The following SHISA5 variants were observed in gnomAD, a reference collection of about 807,000 sequenced individuals.
SHISA5 encodes shisa family member 5, also known as protein shisa-5.
SHISA5 carries 21 observed loss-of-function variants against 27.5 expected under a neutral mutation model. That is an observed-to-expected ratio of 0.76 (90% CI 0.54 to 1.10). The LOEUF (loss-of-function observed/expected upper bound fraction) is 1.10. SHISA5 is among the 50% of genes least tolerant of loss of function. The pLI, the probability that SHISA5 is intolerant of heterozygous loss-of-function variation, is 0.00. For missense variants in SHISA5, 314 were observed against 336.3 expected (o/e 0.93, Z 0.52); for synonymous variants, 137 against 142.2 (o/e 0.96, Z 0.26).
At chr3:48,491,390 T>C (rs1263385048) in intron 2 of SHISA5, among the ~76,000 whole-genome samples, 2 of 152,068 alleles carry the variant, frequency 1.3e-5, no homozygotes, top group Non-Finnish European at 2.9e-5. Flanking sequence ...AGTGCTGGGA[T>C]TACAGGTGTG....
At chr3:48,482,821 G>C (rs192902444) in intron 2 of SHISA5, among the ~76,000 whole-genome samples, 50 of 152,160 alleles carry the variant, frequency 3.3e-4, no homozygotes, top group Non-Finnish European at 5.9e-4. Flanking sequence ...TTTTAGTAGA[G>C]ATGGGGTTTC....
chr3:48,485,748 G>C (rs964621688), intron 2 of SHISA5, among the ~76,000 whole-genome samples: 1 of 151,118 alleles, frequency 6.6e-6, no homozygotes, highest in Non-Finnish European at 1.5e-5. Context: ...GCTGATATGA[G>C]TGGTGGTGAG....
At position 48,468,462 on chromosome 3, in the gene SHISA5, G is replaced by A; in HGVS notation, c.*645C>T. On this transcript the variant is annotated 3_prime_UTR_variant, in exon 6 of 6. Coordinates refer to ENST00000296444, the MANE Select transcript of SHISA5 (RefSeq NM_016479.6). ...CAGGCAGACAGGTACAGCTGAGTAG[G>A]GCTCTGCCTGAGGTGTTCTGGCATC... is the stretch of plus-strand genomic sequence containing the variant. 8.5e-7 allele frequency: 1 copy of A among 1,174,532 alleles called. No individual in the cohort carries two copies. Among genetic ancestry groups the A allele is most frequent in the Non-Finnish European group, 1.1e-6 (1 of 936,680 alleles). The allele number at this position is 1,174,532 out of a possible 1,614,324, so 72.8% of individuals were successfully genotyped here.
chr3:48,476,737 C>T (rs2040838826), intron 3 of SHISA5: 1 of 172,498 alleles, frequency 5.8e-6, no homozygotes, highest in Admixed American at 6.2e-5. Flanking sequence ...TAAAGCAGGT[C>T]CTAGGCATGA....
upstream of SHISA5, chr3:48,504,371 T>G: frequency 6.0e-5 from 18 of 299,954 alleles, no homozygotes; most frequent in East Asian, 1.1e-4. The surrounding 1 kb of genome is among the most constrained non-coding windows in gnomAD (Gnocchi z 4.0). Flanking sequence ...TTGGTACCGG[T>G]TCCCAGACTC....
Position 48,468,912 on chromosome 3 carries a change from G to A in SHISA5, c.*195C>T. 1 of 1,541,138 alleles carries A rather than the reference G, an allele frequency of 6.5e-7. No individual in the cohort carries two copies. Among genetic ancestry groups the A allele is most frequent in the Non-Finnish European group, 8.7e-7 (1 of 1,149,686 alleles). On this transcript the variant is annotated 3_prime_UTR_variant, in exon 6 of 6. Coordinates refer to ENST00000296444, the MANE Select transcript of SHISA5 (RefSeq NM_016479.6). The stretch of plus-strand genomic sequence containing the variant: ...ACAAAGTCTGGTCCCAGCCCACTCT[G>A]GCAAGGATTGTTCCCCACCTTGTCA...
At chr3:48,477,033 C>T (rs759282161) in intron 3 of SHISA5, 14 of 450,832 alleles carry the variant, frequency 3.1e-5, no homozygotes, top group South Asian at 2.2e-4. Context: ...CACTCCTCCT[C>T]CTATGCCCCT....
chr3:48,504,098 T>TGGGCGGGCGGAC lies in SHISA5; in HGVS notation c.-16_-5dup, dbSNP rs1553832399. ...GCGCGGGGACCGGCGCAGTCATGGC[T>TGGGCGGGCGGAC]GGGCGGGCGGACGGGCGGACGGACG... On this transcript the variant is annotated 5_prime_UTR_variant, in exon 1 of 6. Transcript: ENST00000296444. This position sits in a 1 kb window ranked among gnomAD's most constrained non-coding sequence, Gnocchi z 4.0. 13 of 1,306,012 alleles carry TGGGCGGGCGGAC rather than the reference T, an allele frequency of 1.0e-5. No individual in the cohort carries two copies. The highest frequency in any genetic ancestry group is 1.2e-5 in the Non-Finnish European group (12 of 1,014,564). 80.9% of individuals were successfully genotyped at this position (1,306,012 alleles called of 1,614,324 possible). A position where few individuals can be genotyped will look rare whatever the true frequency, so the allele number is the denominator to read the frequency against.
At chr3:48,498,775 A>C (rs2041655998) in intron 2 of SHISA5, among the ~76,000 whole-genome samples, 1 of 151,876 alleles carries the variant, frequency 6.6e-6, no homozygotes, top group Non-Finnish European at 1.5e-5. Context: ...TCGAAACAAT[A>C]CAGGAAGTAA....
chr3:48,503,837 A>T lies in SHISA5; in HGVS notation c.76+182T>A, dbSNP rs2041823468. On this transcript the variant is annotated intron_variant, in intron 1 of 5. Coordinates refer to ENST00000296444, the MANE Select transcript of SHISA5 (RefSeq NM_016479.6). ...GGTGTCTAGGCAGGGTTGTTCAGGC[A>T]AGGAGGGTGCTGGGGTGGAGGAGGG... 3.1e-6 allele frequency: 4 copies of T among 1,286,226 alleles called. No individual in the cohort carries two copies. The East Asian group carries it at 1.3e-4, about 41-fold the overall frequency. The allele number at this position is 1,286,226 out of a possible 1,614,324, so 79.7% of individuals were successfully genotyped here. A position where few individuals can be genotyped will look rare whatever the true frequency, so the allele number is the denominator to read the frequency against.
chr3:48,504,043 G>T lies in SHISA5; in HGVS notation c.52C>A (p.Leu18Met). Residue 18 changes from leucine to methionine, a missense_variant, in exon 1 of 6, where the codon CTG (leucine) becomes ATG (methionine). Coordinates refer to ENST00000296444, the MANE Select transcript of SHISA5 (RefSeq NM_016479.6). The surrounding 1 kb of genome is among the most constrained non-coding windows in gnomAD (Gnocchi z 4.0). ...CCACCCGGAGGCGGCGTTAGCAGCA[G>T]CAGCAACAGCAACGGCAACAGGATC... ...PRILLPLLLL[L>M]LLTPPPGARG... 1 of 1,463,204 alleles carries T rather than the reference G, an allele frequency of 6.8e-7. No homozygotes were observed. Among genetic ancestry groups the T allele is most frequent in the Middle Eastern group, 1.8e-4 (1 of 5,658 alleles). The allele number at this position is 1,463,204 out of a possible 1,614,324, so 90.6% of individuals were successfully genotyped here. A position where few individuals can be genotyped will look rare whatever the true frequency, so the allele number is the denominator to read the frequency against.
At chr3:48,496,136 G>T (rs945059164) in intron 2 of SHISA5, among the ~76,000 whole-genome samples, 1 of 125,868 alleles carries the variant, frequency 7.9e-6, no homozygotes, top group African/African-American at 3.8e-5. Flanking sequence ...AAAAAAAAAT[G>T]CAAAGATTAG....
At chr3:48,491,236 A>T (rs1009011620) in intron 2 of SHISA5, among the ~76,000 whole-genome samples, 5 of 151,826 alleles carry the variant, frequency 3.3e-5, no homozygotes, top group African/African-American at 9.7e-5. Flanking sequence ...CTCCTGCCTC[A>T]GCCTCCCGAG....
At chr3:48,483,132 G>A (rs1358317877) in intron 2 of SHISA5, among the ~76,000 whole-genome samples, 2 of 150,346 alleles carry the variant, frequency 1.3e-5, no homozygotes, top group Admixed American at 6.6e-5. Flanking sequence ...GGTGTTTCTC[G>A]CAGAGGGGGA....
chr3:48,499,723 G>T (rs1302839073), intron 2 of SHISA5, among the ~76,000 whole-genome samples: 1 of 141,494 alleles, frequency 7.1e-6, no homozygotes, highest in Non-Finnish European at 1.5e-5. Flanking sequence ...AATTAGCCAG[G>T]TGTGGTGGTG....
At position 48,479,242 on chromosome 3, in the gene SHISA5, T is replaced by C; in HGVS notation, c.249A>G (p.Val83=). The part of the protein sequence containing the change: ...AVPEASVPAS[V]EPVEQLGSAL... The stretch of plus-strand genomic sequence containing the variant: ...CCGAGCCCAGCTGCTCCACCGGCTC[T>C]ACACTGGCAGGCACGCTGCAAACAG... Residue 83 remains valine (V), a synonymous_variant, in exon 3 of 6, where the codon GTA becomes GTG. Transcript: ENST00000296444. The C allele has an allele frequency of 1.2e-6, 2 of 1,609,132 alleles. No homozygotes were observed. Among genetic ancestry groups the C allele is most frequent in the Non-Finnish European group, 8.5e-7 (1 of 1,179,042 alleles).
Position 48,504,162 on chromosome 3 carries a change from C to A in SHISA5, c.-68G>T. 1 of 747,772 alleles carries A rather than the reference C, an allele frequency of 1.3e-6. No individual in the cohort carries two copies. Among genetic ancestry groups the A allele is most frequent in the Non-Finnish European group, 1.9e-6 (1 of 539,706 alleles). The allele number at this position is 747,772 out of a possible 1,614,324, so 46.3% of individuals were successfully genotyped here. A position where few individuals can be genotyped will look rare whatever the true frequency, so the allele number is the denominator to read the frequency against. On this transcript the variant is annotated 5_prime_UTR_variant, in exon 1 of 6. Coordinates refer to ENST00000296444, the MANE Select transcript of SHISA5 (RefSeq NM_016479.6). The surrounding 1 kb of genome is among the most constrained non-coding windows in gnomAD (Gnocchi z 4.0). ...CAGTGCCGCCACAGCCTCAGTGATC[C>A]GCGCGGCCGCCCCTCTCCCTCGCCC...
Position 48,486,859 on chromosome 3 carries a change from A to T in SHISA5, c.234-7602T>A, listed in dbSNP as rs184246843. Among the ~76,000 whole-genome samples the T allele has an allele frequency of 1.1e-4, 17 of 150,304 alleles. No individual in the cohort carries two copies. In the East Asian group the frequency reaches 2.9e-3, roughly 26 times the overall value. On this transcript the variant is annotated intron_variant, in intron 2 of 5. Transcript: ENST00000296444. ...CACTTGAACCCGGGAGGTGGAGGTT[A>T]CAGTGAGCCGAGACTGAGCCACTGC...
rs2040874444 is a variant in SHISA5 at position 48,477,857 on chromosome 3, C to T, written c.314+1320G>A. On this transcript the variant is annotated intron_variant, in intron 3 of 5. Transcript: ENST00000296444. ...CACCTCTTGCCACCAAGCTCTGGCT[C>T]TCTCTGGCTCTCTCTGGCCTCCAGC... is the stretch of plus-strand genomic sequence containing the variant. Among the ~76,000 whole-genome samples, 4 of 152,220 alleles carry T rather than the reference C, an allele frequency of 2.6e-5. No homozygotes were observed. In the South Asian group the frequency reaches 8.3e-4, roughly 31 times the overall value.
Sources: allele counts gnomAD v4.1 joint callset (sites outside exome capture counted in the v4.1 genomes callset), GRCh38; gene constraint gnomAD v4.1.1; non-coding constraint Gnocchi (gnomAD v3.1); transcripts MANE v1.5; gene names NCBI Gene and HGNC (gene_info 2026-07-23, HGNC 2026-07-21).